The following CSTF2 variants were observed in gnomAD, a reference collection of about 807,000 sequenced individuals.
CSTF2 encodes the protein CF-1 64 kDa subunit.
Under a neutral mutation model 45.4 loss-of-function variants are expected in CSTF2, and 8 were observed. The ratio of observed to expected loss-of-function variants is 0.18; its 90% CI spans 0.10 to 0.32. The LOEUF is 0.32. Among genes scored for constraint, CSTF2 ranks in the 10% least tolerant of loss-of-function variants. The pLI, the probability that CSTF2 is intolerant of heterozygous loss-of-function variation, is 1.00. For missense variants in CSTF2, 253 were observed against 477.1 expected, an observed-to-expected ratio of 0.53 and a Z score of 4.38; for synonymous variants, 155 against 158.9, an observed-to-expected ratio of 0.98 and a Z score of 0.18.
chrX:100,830,722 A>G (rs1390001841), intron 8 of CSTF2: 12 of 706,418 alleles, frequency 1.7e-5, no homozygotes, highest in East Asian at 3.6e-5. Context: ...GTAAATCTCA[A>G]TCTCCATGTG....
chrX:100,821,540 T>G lies in CSTF2; in HGVS notation c.72T>G (p.Pro24=). ...TTTCTTCCTTAGTGGGGAACATTCC[T>G]TATGAAGCTACTGAAGAGCAGTTGA... ...SLRSVFVGNI[P]YEATEEQLKD... is the part of the protein sequence containing the mutation. The change falls in exon 2 of 14, where the codon CCT becomes CCG. Residue 24 remains proline (P), a synonymous_variant. Coordinates refer to ENST00000372972, the MANE Select transcript of CSTF2 (RefSeq NM_001325.3). 8.3e-7 allele frequency: 1 copy of G among 1,202,289 alleles called. No individual in the cohort carries two copies. The highest frequency in any genetic ancestry group is 1.8e-5 in the South Asian group (1 of 56,701).
Position 100,832,678 on chromosome X carries a change from G to A in CSTF2, c.1032-56G>A, listed in dbSNP as rs183643919. Reference sequence around the variant, plus strand: ...GGATGTTTACTTACTGATCTGGTTGGTACTTTGTTGTTGTTTTGTTCTATT... The same window carrying A: ...GGATGTTTACTTACTGATCTGGTTGATACTTTGTTGTTGTTTTGTTCTATT... On this transcript the variant is annotated intron_variant, in intron 9 of 13. Coordinates refer to ENST00000372972, the MANE Select transcript of CSTF2 (RefSeq NM_001325.3). 155 of 1,073,356 alleles carry A rather than the reference G, an allele frequency of 1.4e-4. No homozygotes were observed. The East Asian group carries it at 3.4e-3, about 24-fold the overall frequency. 88.5% of individuals were successfully genotyped at this position (1,073,356 alleles called of 1,213,427 possible). A position where few individuals can be genotyped will look rare whatever the true frequency, so the allele number is the denominator to read the frequency against.
chrX:100,822,986 T>A (rs950637847), intron 3 of CSTF2, among the ~76,000 whole-genome samples: 1 of 112,076 alleles, frequency 8.9e-6, no homozygotes, highest in African/African-American at 3.2e-5. Context: ...GAAGTTAGCG[T>A]ATTTTTCTCT....
intron 13 of CSTF2, among the ~76,000 whole-genome samples, chrX:100,839,941 G>A (rs1455951538): frequency 1.8e-5 from 2 of 111,291 alleles, no homozygotes; most frequent in East Asian, 2.8e-4. Context: ...CAAAGTTTTT[G>A]TCTATTTTTT....
intron 11 of CSTF2, among the ~76,000 whole-genome samples, chrX:100,836,941 G>A (rs575678613): frequency 8.9e-6 from 1 of 111,908 alleles, no homozygotes; most frequent in South Asian, 3.8e-4. Context: ...GGGTGGCCCT[G>A]TGAATGTAAC....
chrX:100,822,272 A>G lies in CSTF2; in HGVS notation c.159A>G (p.Thr53=), dbSNP rs2084922723. The change falls in exon 3 of 14, where the codon ACA becomes ACG. Residue 53 remains threonine, a synonymous_variant. Transcript: ENST00000372972. ...VSFRLVYDRE[T]GKPKGYGFCE... is the part of the protein sequence containing the mutation. ...CCAGATTGGTATACGATAGAGAGAC[A>G]GGAAAGCCAAAGGGTTATGGCTTCT... 3.3e-6 allele frequency: 4 copies of G among 1,208,808 alleles called. No homozygotes were observed. The highest frequency in any genetic ancestry group is 4.5e-6 in the Non-Finnish European group (4 of 894,653).
At chrX:100,836,478 C>G (rs1316091751) in intron 11 of CSTF2, among the ~76,000 whole-genome samples, 1 of 112,239 alleles carries the variant, frequency 8.9e-6, no homozygotes, top group African/African-American at 3.2e-5. Context: ...TGCTTCTAAT[C>G]TGCTGGGTAA....
At position 100,820,432 on chromosome X, in the gene CSTF2, G is replaced by A. The variant is rs1168880729; in HGVS notation, c.16G>A (p.Val6Met). Residue 6 changes from valine (V) to methionine (M), a missense_variant, in exon 1 of 14, where the codon GTG (valine) becomes ATG (methionine). Physicochemically the swap from Val to Met is conservative, Grantham distance 21. Around this residue, in one of 3 missense-constraint regions of CSTF2, gnomAD observed 45 missense variants for 147.5 expected, o/e 0.31. Coordinates refer to ENST00000372972, the MANE Select transcript of CSTF2 (RefSeq NM_001325.3). ...CAACAGAGCTATGGCGGGTTTGACTGTGAGAGACCCAGCGGTGGATCGTTC... is the reference window on the plus strand; with the variant it reads ...CAACAGAGCTATGGCGGGTTTGACTATGAGAGACCCAGCGGTGGATCGTTC... MAGLT[V>M]RDPAVDRSLR... 2 of 1,210,831 alleles carry A rather than the reference G, an allele frequency of 1.7e-6. No individual in the cohort carries two copies. Among genetic ancestry groups the A allele is most frequent in the African/African-American group, 1.7e-5 (1 of 57,501 alleles).
chrX:100,833,174 T>G lies in CSTF2; in HGVS notation c.1208-6T>G, dbSNP rs2084986221. The G allele has an allele frequency of 8.3e-7, 1 of 1,205,318 alleles. No homozygotes were observed. The highest frequency in any genetic ancestry group is 2.2e-5 in the Admixed American group (1 of 45,611). On this transcript the variant is annotated splice_region_variant and splice_polypyrimidine_tract_variant and intron_variant, in intron 10 of 13. Transcript: ENST00000372972. ...CATAATGGTTTTGTTACATTTTTCT[T>G]TATAGGTGGAAGGGATCCCCGAGGA... is the stretch of plus-strand genomic sequence containing the variant.
chrX:100,821,100 T>G (rs770656365), intron 1 of CSTF2, among the ~76,000 whole-genome samples: 2 of 112,923 alleles, frequency 1.8e-5, no homozygotes, highest in South Asian at 7.3e-4. Flanking sequence ...GACAAAGTAG[T>G]TCAGAATACT....
intron 12 of CSTF2, among the ~76,000 whole-genome samples, 197 bp from the exon 13 acceptor site, chrX:100,838,042 T>A (rs1486134241): frequency 9.0e-6 from 1 of 111,660 alleles, no homozygotes; most frequent in Non-Finnish European, 1.9e-5. Context: ...CTCACCAGTT[T>A]TTTTTTATTT....
At position 100,832,839 on chromosome X, in the gene CSTF2, G is replaced by T; in HGVS notation, c.1137G>T (p.Glu379Asp). ...AACTGAGGGGAGGGCCATTACCCGA[G>T]CCCAGACCTCTAATGGCAGAACCAA... is the stretch of plus-strand genomic sequence containing the variant. ...PHELRGGPLP[E>D]PRPLMAEPRG... The change falls in exon 10 of 14, where the codon GAG (glutamate) becomes GAT (aspartate). Residue 379 changes from glutamate (E) to aspartate (D), a missense_variant. Glu to Asp is a conservative substitution (Grantham distance 45). Around this residue, in one of 3 missense-constraint regions of CSTF2, gnomAD observed 200 missense variants for 294.0 expected, o/e 0.68. Coordinates refer to ENST00000372972, the MANE Select transcript of CSTF2 (RefSeq NM_001325.3). The T allele has an allele frequency of 8.3e-7, 1 of 1,209,733 alleles. No individual in the cohort carries two copies. Among genetic ancestry groups the T allele is most frequent in the Non-Finnish European group, 1.1e-6 (1 of 894,397 alleles).
intron 6 of CSTF2, among the ~76,000 whole-genome samples, chrX:100,825,589 T>A (rs376030760): frequency 9.0e-6 from 1 of 111,624 alleles, no homozygotes; most frequent in African/African-American, 3.3e-5. Flanking sequence ...CTGTAAATGA[T>A]CAGACAGTAA....
chrX:100,826,889 G>C, intron 7 of CSTF2, 132 bp downstream of exon 7: 1 of 589,598 alleles, frequency 1.7e-6, no homozygotes. Context: ...ATATATCTTA[G>C]GTGGAGGAAA....
Position 100,821,517 on chromosome X carries a change from TCTTC to T in CSTF2, c.59-6_59-3del. The T allele has an allele frequency of 8.6e-7, 1 of 1,162,789 alleles. No individual in the cohort carries two copies. The highest frequency in any genetic ancestry group is 1.2e-6 in the Non-Finnish European group (1 of 851,347). ...CTCAGAATTTTAATGTTACCTATTT[TCTTC>T]CTTAGTGGGGAACATTCCTTATGAA... is the stretch of plus-strand genomic sequence containing the variant. On this transcript the variant is annotated splice_region_variant and splice_polypyrimidine_tract_variant and intron_variant, in intron 1 of 13. Coordinates refer to ENST00000372972, the MANE Select transcript of CSTF2 (RefSeq NM_001325.3).
intron 3 of CSTF2, chrX:100,822,775 C>A: frequency 6.4e-6 from 1 of 155,777 alleles, no homozygotes; most frequent in Non-Finnish European, 1.1e-5. Flanking sequence ...CTTTAAGAAA[C>A]AGATAAAGTT....
In CSTF2 at chrX:100,824,169, C is replaced by G. The variant is rs1381075460; in HGVS notation, c.614C>G (p.Pro205Arg). The change falls in exon 6 of 14, where the codon CCT (proline) becomes CGT (arginine). Residue 205 changes from proline (P) to arginine (R), a missense_variant. By Grantham distance (103) the Pro-to-Arg change is moderately radical. Transcript: ENST00000372972. Reference protein sequence around the residue: ...TNIPTLIAGNPQPVHGAGPGS... With the variant: ...TNIPTLIAGNRQPVHGAGPGS... The stretch of plus-strand genomic sequence containing the variant: ...ATCCCAACGCTGATTGCAGGCAACC[C>G]TCAGCCAGTCCATGGTGCTGGGCCT... 8.3e-7 allele frequency: 1 copy of G among 1,210,408 alleles called. No homozygotes were observed. Among genetic ancestry groups the G allele is most frequent in the Non-Finnish European group, 1.1e-6 (1 of 895,281 alleles).
chrX:100,840,688 G>T (rs765401301), intron 13 of CSTF2, 26 bp from the exon 14 acceptor site: 5 of 111,115 alleles, frequency 4.5e-5, no homozygotes, highest in Non-Finnish European at 7.5e-5. Flanking sequence ...CACTTCTAAT[G>T]GCTTTGTCCT....
At chrX:100,834,468 G>A (rs1435067180) in intron 11 of CSTF2, among the ~76,000 whole-genome samples, 2 of 112,221 alleles carry the variant, frequency 1.8e-5, no homozygotes, top group Non-Finnish European at 3.8e-5. Context: ...ACTCTGTCCT[G>A]TTATCTGCAC....
Sources: gnomAD v4.1 joint callset for allele counts (sites outside exome capture counted in the v4.1 genomes callset) on GRCh38, gnomAD v4.1.1 for gene constraint, gnomAD v4.1.1 regional missense constraint, MANE v1.5 for transcripts, NCBI Gene and HGNC (gene_info 2026-07-23, HGNC 2026-07-21) for gene names.